Variants in BACH2 observed in about 807,000 individuals in gnomAD.
BACH2 encodes transcription regulator protein BACH2.
Under a neutral mutation model 61.8 loss-of-function variants are expected in BACH2, and 5 were observed. That is an observed-to-expected ratio of 0.08 (90% CI 0.04 to 0.17). The LOEUF is 0.17. Among genes scored for constraint, BACH2 ranks in the 10% least tolerant of loss-of-function variants. BACH2 has a pLI of 1.00. For synonymous variants in BACH2, 446 were observed against 440.1 expected, an observed-to-expected ratio of 1.01 and a Z score of -0.17; for missense variants, 824 against 1,091.1, an observed-to-expected ratio of 0.76 and a Z score of 3.45.
chr6:89,985,863 A>G (rs1257615611), intron 6 of BACH2, among the ~76,000 whole-genome samples: 4 of 152,160 alleles, frequency 2.6e-5, no homozygotes, highest in Non-Finnish European at 5.9e-5. Flanking sequence ...GGGAGCCAAC[A>G]ATCACTCCAC....
Position 89,950,946 on chromosome 6 carries a change from G to A in BACH2, c.1160C>T (p.Pro387Leu), listed in dbSNP as rs768310840. ...TQGDLKTDYT[P>L]FTGNYGQPHV... ...GGGCTGTCCATAATTCCCTGTGAAA[G>A]GGGTGTAGTCAGTTTTAAGGTCACC... Residue 387 changes from proline to leucine, a missense_variant, in exon 7 of 9, where the codon CCT (proline) becomes CTT (leucine). Physicochemically the swap from Pro to Leu is moderately conservative, Grantham distance 98. Around this residue, in one of 8 missense-constraint regions of BACH2, gnomAD observed 226 missense variants for 228.5 expected, o/e 0.99. Coordinates refer to ENST00000257749, the MANE Select transcript of BACH2 (RefSeq NM_021813.4). The surrounding 1 kb of genome is among the most constrained non-coding windows in gnomAD (Gnocchi z 5.3). 1.3e-6 allele frequency: 2 copies of A among 1,573,326 alleles called. No homozygotes were observed. Among genetic ancestry groups the A allele is most frequent in the Non-Finnish European group, 1.7e-6 (2 of 1,159,782 alleles).
At chr6:90,282,762 G>A (rs1771896383) in intron 1 of BACH2, among the ~76,000 whole-genome samples, 1 of 151,888 alleles carries the variant, frequency 6.6e-6, no homozygotes. Context: ...CACTCCCACC[G>A]AGAGTGTGTA....
intron 5 of BACH2, among the ~76,000 whole-genome samples, chr6:90,029,961 A>G (rs1778871538): frequency 1.3e-5 from 2 of 152,200 alleles, no homozygotes; most frequent in Non-Finnish European, 2.9e-5. Context: ...GTGAAGGAAA[A>G]GCTCCCATTT....
chr6:90,077,462 T>A (rs563004097), intron 5 of BACH2, among the ~76,000 whole-genome samples: 4 of 152,144 alleles, frequency 2.6e-5, no homozygotes, highest in Non-Finnish European at 5.9e-5. Flanking sequence ...GAAGCGGGTA[T>A]CATTTTAATA....
intron 5 of BACH2, among the ~76,000 whole-genome samples, chr6:90,014,289 T>C (rs1777897033): frequency 6.6e-6 from 1 of 150,454 alleles, no homozygotes; most frequent in South Asian, 2.1e-4. Context: ...TTTTTTTTTT[T>C]TTCTTTTTGT....
Position 90,165,968 on chromosome 6 carries a change from C to T in BACH2, c.-162+40601G>A, listed in dbSNP as rs559424672. Reference sequence around the variant, plus strand: ...AACCATAAAAACCCTAGAAGAAAACCTAGGCATTACCATTCAGGACATAGG... The same window carrying T: ...AACCATAAAAACCCTAGAAGAAAACTTAGGCATTACCATTCAGGACATAGG... On this transcript the variant is annotated intron_variant, in intron 4 of 8. Transcript: ENST00000257749. Among the ~76,000 whole-genome samples, 20 of 152,140 alleles carry T rather than the reference C, an allele frequency of 1.3e-4. No individual in the cohort carries two copies. The South Asian group carries it at 2.9e-3, about 22-fold the overall frequency.
chr6:90,271,566 CA>C (rs1655035841), intron 2 of BACH2, among the ~76,000 whole-genome samples: 1 of 151,992 alleles, frequency 6.6e-6, no homozygotes. Flanking sequence ...AAGAACCTAT[CA>C]AAAACTGGGC....
chr6:90,202,807 GAGA>G (rs1768999785), intron 4 of BACH2, among the ~76,000 whole-genome samples: 1 of 152,174 alleles, frequency 6.6e-6, no homozygotes, highest in Non-Finnish European at 1.5e-5. Flanking sequence ...GATCTTTCAA[GAGA>G]AGAACAACAC....
intron 5 of BACH2, among the ~76,000 whole-genome samples, chr6:90,054,697 G>A (rs545516686): frequency 3.9e-5 from 6 of 152,320 alleles, no homozygotes; most frequent in African/African-American, 1.4e-4. Context: ...CCTGACCCCC[G>A]AGGAGCCTAA....
intron 5 of BACH2, among the ~76,000 whole-genome samples, chr6:90,048,466 C>A (rs539369463): frequency 6.6e-6 from 1 of 152,174 alleles, no homozygotes; most frequent in South Asian, 2.1e-4. Context: ...GGAACCAGGG[C>A]AAAGGAAAGG....
intron 5 of BACH2, among the ~76,000 whole-genome samples, chr6:90,021,299 T>TAAAAAAAAAAAAA (rs200724602): frequency 5.0e-5 from 5 of 100,240 alleles, no homozygotes; most frequent in Non-Finnish European, 1.1e-4. Context: ...AGCAAAAAAG[T>TAAAAAAAAAAAAA]AAAAAAAAAA....
intron 4 of BACH2, among the ~76,000 whole-genome samples, chr6:90,178,296 A>G (rs1327676637): frequency 6.6e-6 from 1 of 152,176 alleles, no homozygotes. Context: ...GACATTCTGT[A>G]TATTAGTATA....
chr6:90,102,846 A>AAAAAT (rs1265347251), intron 4 of BACH2, among the ~76,000 whole-genome samples: 1 of 145,892 alleles, frequency 6.9e-6, no homozygotes, highest in Non-Finnish European at 1.5e-5. Flanking sequence ...TAATAAAAAT[A>AAAAAT]AAAGGACCTT....
intron 5 of BACH2, among the ~76,000 whole-genome samples, chr6:90,009,920 C>G (rs1048205732): frequency 6.6e-6 from 1 of 152,214 alleles, no homozygotes; most frequent in African/African-American, 2.4e-5. Flanking sequence ...CCGCCTCGGC[C>G]TCCCAAAGTG....
intron 8 of BACH2, 118 bp from the exon 9 acceptor site, chr6:89,933,008 T>C (rs1772769030): frequency 8.6e-7 from 1 of 1,165,788 alleles, no homozygotes; most frequent in Non-Finnish European, 1.2e-6. Context: ...AACTCAAGAA[T>C]GACTAGGTCA....
Position 90,228,429 on chromosome 6 carries a change from A to T in BACH2, c.-274-21748T>A, listed in dbSNP as rs542559996. 2.6e-4 allele frequency among the ~76,000 whole-genome samples: 39 copies of T among 152,368 alleles called. 1 individual carries two copies. The South Asian group carries it at 7.9e-3, about 31-fold the overall frequency. On this transcript the variant is annotated intron_variant, in intron 3 of 8. Coordinates refer to ENST00000257749, the MANE Select transcript of BACH2 (RefSeq NM_021813.4). ...ATTTTGCTCCTGGAAGAAAAAAAGC[A>T]ACATGTATTAAAATCATAAAAATGT...
intron 4 of BACH2, among the ~76,000 whole-genome samples, chr6:90,128,512 C>T (rs1431937632): frequency 1.3e-5 from 2 of 152,084 alleles, no homozygotes; most frequent in East Asian, 1.9e-4. Flanking sequence ...ACCTGGGGGG[C>T]GGAGGTTGCA....
At chr6:90,068,563 T>C (rs1781073111) in intron 5 of BACH2, among the ~76,000 whole-genome samples, 1 of 151,960 alleles carries the variant, frequency 6.6e-6, no homozygotes, top group South Asian at 2.1e-4. Flanking sequence ...TCAAGAGCCA[T>C]GCTCTTTCCA....
chr6:90,127,392 C>G (rs1177039026), intron 4 of BACH2, among the ~76,000 whole-genome samples: 1 of 152,146 alleles, frequency 6.6e-6, no homozygotes, highest in Non-Finnish European at 1.5e-5. Flanking sequence ...GGTGGTTTTT[C>G]CTTCAAAGGC....
Sources: gnomAD v4.1 joint callset for allele counts (sites outside exome capture counted in the v4.1 genomes callset) on GRCh38, gnomAD v4.1.1 for gene constraint, gnomAD v4.1.1 regional missense constraint, Gnocchi (gnomAD v3.1) non-coding constraint, MANE v1.5 for transcripts, NCBI Gene and HGNC (gene_info 2026-07-23, HGNC 2026-07-21) for gene names.